Variants in CUBN observed in about 807,000 individuals in gnomAD.
CUBN encodes cubilin.
A neutral mutation model predicts 405.3 loss-of-function variants in CUBN; 282 were observed. The ratio of observed to expected loss-of-function variants is 0.70; its 90% CI spans 0.63 to 0.77. The LOEUF (loss-of-function observed/expected upper bound fraction) is 0.77. Among genes scored for constraint, CUBN ranks in the 30% least tolerant of loss-of-function variants. The pLI is 0.00. For synonymous variants in CUBN, 1,684 were observed against 1,617.0 expected (o/e 1.04, Z -0.99); for missense variants, 4,514 against 4,475.2 (o/e 1.01, Z -0.25).
rs1841370974 is a variant in CUBN, at chr10:16,901,532, T to C, written c.8063-73A>G. 8.3e-6 allele frequency: 13 copies of C among 1,573,656 alleles called. No individual in the cohort carries two copies. The South Asian group carries it at 1.5e-4, about 18-fold the overall frequency. On this transcript the variant is annotated intron_variant, in intron 51 of 66. Coordinates refer to ENST00000377833, the MANE Select transcript of CUBN (RefSeq NM_001081.4). Reference sequence around the variant, plus strand: ...GAACCGATAATGCCAAAGTAAGTAGTAATCATAACCATCAGATTTTGTGAT... The same window carrying C: ...GAACCGATAATGCCAAAGTAAGTAGCAATCATAACCATCAGATTTTGTGAT...
chr10:17,081,252 G>A (rs1245517330), intron 17 of CUBN, among the ~76,000 whole-genome samples: 2 of 152,114 alleles, frequency 1.3e-5, no homozygotes, highest in Non-Finnish European at 2.9e-5. Context: ...TGGCAACCAA[G>A]GCACCTAAAA....
intron 28 of CUBN, among the ~76,000 whole-genome samples, chr10:16,994,405 AAAC>A (rs1833675052): frequency 6.6e-6 from 1 of 152,254 alleles, no homozygotes; most frequent in Non-Finnish European, 1.5e-5. Context: ...TATTTGAAGA[AAAC>A]AACCTGAATA....
At chr10:17,082,640 G>A (rs567960886) in intron 17 of CUBN, among the ~76,000 whole-genome samples, 5 of 152,124 alleles carry the variant, frequency 3.3e-5, no homozygotes, top group Non-Finnish European at 5.9e-5. Flanking sequence ...TTTTAGTCTC[G>A]TGATCGGAGA....
At chr10:16,910,309 G>A (rs1394204166) in intron 48 of CUBN, among the ~76,000 whole-genome samples, 1 of 150,866 alleles carries the variant, frequency 6.6e-6, no homozygotes, top group African/African-American at 2.4e-5. Context: ...TTTTCGGCAA[G>A]TTCTCAATCA....
chr10:16,985,242 G>A (rs961571030), intron 29 of CUBN, among the ~76,000 whole-genome samples: 2 of 152,208 alleles, frequency 1.3e-5, no homozygotes, highest in Admixed American at 1.3e-4. Flanking sequence ...GAGCAGATGG[G>A]CAGATGAATA....
chr10:16,927,204 T>C (rs905535905), intron 41 of CUBN, among the ~76,000 whole-genome samples: 13 of 152,026 alleles, frequency 8.6e-5, no homozygotes, highest in African/African-American at 3.1e-4. Flanking sequence ...TGAGTTGCGA[T>C]ACATAGTAAT....
At chr10:17,065,452 T>A in intron 22 of CUBN, 56 bp downstream of exon 22, 1 of 1,605,782 alleles carries the variant, frequency 6.2e-7, no homozygotes, top group Non-Finnish European at 8.5e-7. Context: ...TTTTAGCTAT[T>A]AGCACTGTTT....
At chr10:16,996,094 TA>T (rs1174183514) in intron 28 of CUBN, among the ~76,000 whole-genome samples, 1 of 152,156 alleles carries the variant, frequency 6.6e-6, no homozygotes, top group East Asian at 1.9e-4. Flanking sequence ...GGCACGGAAC[TA>T]ACAATGTTGA....
intron 28 of CUBN, among the ~76,000 whole-genome samples, chr10:17,006,790 C>G (rs1834040484): frequency 6.9e-6 from 1 of 144,548 alleles, no homozygotes. Context: ...CTTCTAATTT[C>G]TGAAACTTCT....
At chr10:16,975,299 T>C (rs889214062) in intron 31 of CUBN, among the ~76,000 whole-genome samples, 6 of 152,264 alleles carry the variant, frequency 3.9e-5, no homozygotes, top group African/African-American at 7.2e-5. Context: ...TTCCTCCTGC[T>C]GCACTTTGTT....
chr10:17,036,244 T>C (rs1271804192), intron 27 of CUBN, among the ~76,000 whole-genome samples: 2 of 152,148 alleles, frequency 1.3e-5, no homozygotes, highest in Non-Finnish European at 2.9e-5. Context: ...TCTGGTTGTA[T>C]GCAAGCACTT....
At chr10:17,041,251 T>A in intron 26 of CUBN, 31 bp from the exon 27 acceptor site, 1 of 1,557,422 alleles carries the variant, frequency 6.4e-7, no homozygotes, top group Non-Finnish European at 8.9e-7. Flanking sequence ...TAAGAACCAC[T>A]ATTATATACT....
chr10:16,869,654 A>C lies in CUBN; in HGVS notation c.9436T>G (p.Ser3146Ala). The part of the protein sequence containing the change: ...SFQTAKGWKM[S>A]FRQTLGPQQG... ...TTCTTACCCAATGTCTGCCGGAAAG[A>C]CATCTTCCAGCCTTTTGCTGTCTGA... Residue 3146 changes from serine to alanine, a missense_variant, in exon 59 of 67, where the codon TCT (serine) becomes GCT (alanine). Ser to Ala is a moderately conservative substitution (Grantham distance 99). This residue lies in a region of CUBN where 1,186 missense variants were observed against 1,186.9 expected (regional missense o/e 1.00). Transcript: ENST00000377833. 1.9e-6 allele frequency: 3 copies of C among 1,613,244 alleles called. No homozygotes were observed. Among genetic ancestry groups the C allele is most frequent in the Non-Finnish European group, 2.5e-6 (3 of 1,179,306 alleles).
intron 31 of CUBN, among the ~76,000 whole-genome samples, chr10:16,976,680 T>A (rs1402704553): frequency 6.6e-6 from 1 of 152,160 alleles, no homozygotes; most frequent in Non-Finnish European, 1.5e-5. Flanking sequence ...TCCAATTAAG[T>A]GTGTGTTATA....
At chr10:16,838,427 G>A (rs1396100253) in intron 62 of CUBN, among the ~76,000 whole-genome samples, 1 of 152,194 alleles carries the variant, frequency 6.6e-6, no homozygotes, top group Non-Finnish European at 1.5e-5. Flanking sequence ...ATTCTCAGAT[G>A]TTCTCCTGGT....
At chr10:16,953,119 C>T (rs1434090522) in intron 32 of CUBN, among the ~76,000 whole-genome samples, 1 of 152,118 alleles carries the variant, frequency 6.6e-6, no homozygotes, top group East Asian at 1.9e-4. Context: ...AGACATTGAG[C>T]ATTCCAATGG....
chr10:17,076,804 C>T (rs747583698), intron 17 of CUBN, among the ~76,000 whole-genome samples: 60 of 152,262 alleles, frequency 3.9e-4, no homozygotes, highest in African/African-American at 1.3e-3. Context: ...GGTCTCAGGA[C>T]GGTGAAGGCA....
At chr10:17,095,370 C>T (rs1836349178) in intron 14 of CUBN, among the ~76,000 whole-genome samples, 1 of 151,840 alleles carries the variant, frequency 6.6e-6, no homozygotes, top group Admixed American at 6.6e-5. Context: ...ACCACAAAAG[C>T]ACAACTGAAA....
intron 31 of CUBN, among the ~76,000 whole-genome samples, chr10:16,960,496 C>T (rs1310263489): frequency 6.6e-6 from 1 of 151,816 alleles, no homozygotes; most frequent in Non-Finnish European, 1.5e-5. Flanking sequence ...CATCTCAAAA[C>T]AAAACAAACA....
Sources: gnomAD v4.1 joint callset for allele counts (sites outside exome capture counted in the v4.1 genomes callset) on GRCh38, gnomAD v4.1.1 for gene constraint, gnomAD v4.1.1 regional missense constraint, MANE v1.5 for transcripts, NCBI Gene and HGNC (gene_info 2026-07-23, HGNC 2026-07-21) for gene names.